IGF2BP1: variants seen among roughly 807,000 people sequenced by gnomAD.
IGF2BP1 encodes insulin like growth factor 2 mRNA binding protein 1, also known as insulin-like growth factor 2 mRNA-binding protein 1.
A neutral mutation model predicts 74.9 loss-of-function variants in IGF2BP1; 11 were observed. The ratio of observed to expected loss-of-function variants is 0.15; its 90% CI spans 0.09 to 0.24. The LOEUF (loss-of-function observed/expected upper bound fraction) is 0.24, where lower values mean the gene tolerates loss of function less well. IGF2BP1 is among the 10% of genes least tolerant of loss of function. The pLI, the probability that IGF2BP1 is intolerant of heterozygous loss-of-function variation, is 1.00. For synonymous variants in IGF2BP1, 287 were observed against 281.8 expected (o/e 1.02, Z -0.18); for missense variants, 440 against 757.4 (o/e 0.58, Z 4.92).
Position 49,051,213 on chromosome 17 carries a change from GAGA to G in IGF2BP1, c.*1772_*1774del, listed in dbSNP as rs1174526878. ...TATAAAAAAGAAAAGCAAAGCAAAAGAGAAGCTGATAGTCTTGAATATTTTATT... is the reference window on the plus strand; with the variant it reads ...TATAAAAAAGAAAAGCAAAGCAAAAGAGCTGATAGTCTTGAATATTTTATT... On this transcript the variant is annotated 3_prime_UTR_variant, in exon 15 of 15. Transcript: ENST00000290341. The G allele has an allele frequency of 6.6e-6, 1 of 152,596 alleles. No individual in the cohort carries two copies. Among genetic ancestry groups the G allele is most frequent in the African/African-American group, 2.4e-5 (1 of 41,432 alleles). 9.5% of individuals were successfully genotyped at this position (152,596 alleles called of 1,614,324 possible). A position where few individuals can be genotyped will look rare whatever the true frequency, so the allele number is the denominator to read the frequency against.
chr17:49,008,172 C>CAAA (rs78718299), intron 2 of IGF2BP1, among the ~76,000 whole-genome samples: 1,200 of 90,182 alleles, frequency 0.013, 17 homozygotes, highest in African/African-American at 0.044. Context: ...AATTCCATCT[C>CAAA]AAAAAAAAAA....
Position 49,049,346 on chromosome 17 carries a change from C to T in IGF2BP1, c.1642-6C>T, listed in dbSNP as rs201350198. 19 of 1,613,714 alleles carry T rather than the reference C, an allele frequency of 1.2e-5. No homozygotes were observed. In the African/African-American group the frequency reaches 1.5e-4, roughly 12 times the overall value. On this transcript the variant is annotated splice_polypyrimidine_tract_variant and splice_region_variant and intron_variant, in intron 14 of 14. Transcript: ENST00000290341. ...ACACCCACTCTCTTGCCTGTTCTTG[C>T]TGCAGATGGCTCAACGGAAGATCCG...
chr17:49,016,914 G>A (rs1197815852), intron 2 of IGF2BP1, among the ~76,000 whole-genome samples: 1 of 139,444 alleles, frequency 7.2e-6, no homozygotes, highest in African/African-American at 2.6e-5. Context: ...TCCCCTCCCC[G>A]CCCCCGCCCC....
chr17:49,039,978 G>A lies in IGF2BP1; in HGVS notation c.705G>A (p.Glu235=). 1.2e-6 allele frequency: 2 copies of A among 1,612,894 alleles called. No homozygotes were observed. The highest frequency in any genetic ancestry group is 1.1e-5 in the South Asian group (1 of 91,026). ...TQSKIDVHRK[E]NAGAAEKAIS... is the part of the protein sequence containing the mutation. ...CCAGGATAGACGTGCATAGGAAGGA[G>A]AACGCAGGTGCAGCTGAAAAAGCCA... The change falls in exon 7 of 15, where the codon GAG becomes GAA. Residue 235 remains glutamate (E), a synonymous_variant. Transcript: ENST00000290341.
At chr17:49,044,414 C>T (rs996543202) in intron 11 of IGF2BP1, among the ~76,000 whole-genome samples, 3 of 152,190 alleles carry the variant, frequency 2.0e-5, no homozygotes, top group Non-Finnish European at 2.9e-5. Context: ...CTGAGCCTCA[C>T]TTTCCTCGTC....
intron 2 of IGF2BP1, chr17:49,017,875 G>A (rs758150388): frequency 6.6e-6 from 1 of 152,216 alleles, no homozygotes; most frequent in Non-Finnish European, 1.5e-5. Context: ...CTCCCAAAGT[G>A]CCTCAACTTT....
intron 5 of IGF2BP1, among the ~76,000 whole-genome samples, chr17:49,034,556 A>G (rs944567947): frequency 1.3e-5 from 2 of 151,818 alleles, no homozygotes; most frequent in African/African-American, 4.8e-5. Flanking sequence ...CCTGGGCAAC[A>G]TGGCAAAACC....
chr17:49,037,646 A>G (rs1033780730), intron 5 of IGF2BP1, among the ~76,000 whole-genome samples: 3 of 152,226 alleles, frequency 2.0e-5, no homozygotes, highest in Non-Finnish European at 2.9e-5. Flanking sequence ...TTCTACATGT[A>G]TACATTTCAA....
At chr17:49,014,818 G>A in intron 2 of IGF2BP1, 1 of 985,380 alleles carries the variant, frequency 1.0e-6, no homozygotes, top group Non-Finnish European at 1.2e-6. Context: ...ATGTCTGCCG[G>A]GTCCTTCTCA....
chr17:49,046,391 C>G lies in IGF2BP1; in HGVS notation c.1641+18C>G, dbSNP rs371099645. 3.8e-6 allele frequency: 6 copies of G among 1,570,602 alleles called. 1 individual carries two copies. In the Admixed American group the frequency reaches 6.7e-5, roughly 17 times the overall value. ...CCAGTCAGGTACATATGGTGCTCCC[C>G]CATTGAGGGAGGGCTGCAGGAGCCC... is the stretch of plus-strand genomic sequence containing the variant. On this transcript the variant is annotated intron_variant, in intron 14 of 14. Transcript: ENST00000290341.
intron 4 of IGF2BP1, 51 bp from the exon 5 acceptor site, chr17:49,031,859 T>C: frequency 6.6e-7 from 1 of 1,516,984 alleles, no homozygotes; most frequent in South Asian, 1.1e-5. Flanking sequence ...GATTCATTGA[T>C]TGGGCCTCCA....
chr17:48,998,794 G>A (rs373680491), intron 1 of IGF2BP1, among the ~76,000 whole-genome samples: 5 of 152,334 alleles, frequency 3.3e-5, no homozygotes, highest in African/African-American at 1.2e-4. Context: ...TCCCACATCT[G>A]GGAGCTGTGT....
intron 5 of IGF2BP1, among the ~76,000 whole-genome samples, chr17:49,034,308 G>A (rs1598150383): frequency 3.3e-5 from 5 of 151,880 alleles, no homozygotes; most frequent in Admixed American, 2.0e-4. Context: ...TAGTAAAGAC[G>A]AGGTTTCCCC....
Position 48,997,766 on chromosome 17 carries a change from C to T in IGF2BP1, c.21C>T (p.Gly7=). 1.2e-6 allele frequency: 2 copies of T among 1,613,918 alleles called. No homozygotes were observed. The highest frequency in any genetic ancestry group is 1.7e-6 in the Non-Finnish European group (2 of 1,179,902). MNKLYI[G]NLNESVTPAD... ...CCACCATGAACAAGCTTTACATCGG[C>T]AACCTCAACGAGAGCGTGACCCCCG... is the stretch of plus-strand genomic sequence containing the variant. The change falls in exon 1 of 15, where the codon GGC becomes GGT. Residue 7 remains glycine (G), a synonymous_variant. Coordinates refer to ENST00000290341, the MANE Select transcript of IGF2BP1 (RefSeq NM_006546.4). The surrounding 1 kb of genome is among the most constrained non-coding windows in gnomAD (Gnocchi z 4.8).
intron 2 of IGF2BP1, chr17:49,013,730 C>CG (rs1451402389): frequency 6.6e-6 from 1 of 152,354 alleles, no homozygotes; most frequent in Non-Finnish European, 1.5e-5. Context: ...GGGTTTCGAC[C>CG]GGCCGGTGGC....
At chr17:49,017,323 T>C (rs1284685352) in intron 2 of IGF2BP1, among the ~76,000 whole-genome samples, 1 of 152,112 alleles carries the variant, frequency 6.6e-6, no homozygotes, top group East Asian at 1.9e-4. Context: ...TGCTGGACTG[T>C]AAACCCTGTC....
In IGF2BP1 at chr17:49,053,746, C is replaced by G. The variant is rs2042193855; in HGVS notation, c.*4302C>G. ...CAGAGCCCCAGAGGGCCTGCTTGAG[C>G]CTTCTTGCTCCACAGGAGAAGCTGG... On this transcript the variant is annotated 3_prime_UTR_variant, in exon 15 of 15. Transcript: ENST00000290341. The G allele has an allele frequency of 6.5e-6, 1 of 152,672 alleles. No homozygotes were observed. Among genetic ancestry groups the G allele is most frequent in the Non-Finnish European group, 1.5e-5 (1 of 68,058 alleles). 9.5% of individuals were successfully genotyped at this position (152,672 alleles called of 1,614,324 possible). A position where few individuals can be genotyped will look rare whatever the true frequency, so the allele number is the denominator to read the frequency against.
At chr17:49,046,486 C>A in intron 14 of IGF2BP1, 113 bp downstream of exon 14, 1 of 729,780 alleles carries the variant, frequency 1.4e-6, no homozygotes. Context: ...GGGCCTCAGC[C>A]ACATCTGCCT....
intron 4 of IGF2BP1, among the ~76,000 whole-genome samples, chr17:49,028,973 A>G (rs2041889517): frequency 6.6e-6 from 1 of 151,984 alleles, no homozygotes; most frequent in Non-Finnish European, 1.5e-5. Context: ...TGCCCAGCTA[A>G]TTTTTGTACT....
Sources: gnomAD v4.1 joint callset for allele counts (sites outside exome capture counted in the v4.1 genomes callset) on GRCh38, gnomAD v4.1.1 for gene constraint, Gnocchi (gnomAD v3.1) non-coding constraint, MANE v1.5 for transcripts, NCBI Gene and HGNC (gene_info 2026-07-23, HGNC 2026-07-21) for gene names.